Variants in NRXN1 observed in about 807,000 individuals in gnomAD.
The protein encoded by NRXN1 is neurexin-1.
NRXN1 carries 39 observed loss-of-function variants against 150.9 expected under a neutral mutation model. That is an observed-to-expected ratio of 0.26 (90% confidence interval 0.20 to 0.34). The LOEUF (loss-of-function observed/expected upper bound fraction) is 0.34. Among genes scored for constraint, NRXN1 ranks in the 10% least tolerant of loss-of-function variants. The probability of loss-of-function intolerance (pLI) is 1.00; values close to 1 mark genes in which losing one functional copy is unlikely to be tolerated. For synonymous variants in NRXN1, 924 were observed against 757.0 expected (o/e 1.22, Z -3.62); for missense variants, 1,815 against 1,949.9 (o/e 0.93, Z 1.30).
At chr2:50,306,094 A>G (rs961306441) in intron 17 of NRXN1, among the ~76,000 whole-genome samples, 2 of 152,174 alleles carry the variant, frequency 1.3e-5, no homozygotes, top group Admixed American at 6.5e-5. Context: ...AAACATAAAG[A>G]AGCCTTTAGA....
chr2:50,922,603 AG>A, intron 4 of NRXN1, 54 bp downstream of exon 4: 1 of 1,576,650 alleles, frequency 6.3e-7, no homozygotes, highest in Admixed American at 1.7e-5. Context: ...GTTTGAAAGC[AG>A]CTACAGAACA....
chr2:50,768,571 C>G (rs974301340), intron 5 of NRXN1, among the ~76,000 whole-genome samples: 1 of 151,508 alleles, frequency 6.6e-6, no homozygotes, highest in Non-Finnish European at 1.5e-5. Flanking sequence ...CCTCCCAAAG[C>G]GCTGGGATTA....
chr2:50,138,636 A>G (rs1436216367), intron 18 of NRXN1, among the ~76,000 whole-genome samples: 2 of 152,202 alleles, frequency 1.3e-5, no homozygotes, highest in Non-Finnish European at 2.9e-5. Flanking sequence ...CCCTTCTCAC[A>G]TCTATTACTT....
At chr2:50,692,532 G>A (rs770230659) in intron 5 of NRXN1, among the ~76,000 whole-genome samples, 1 of 152,032 alleles carries the variant, frequency 6.6e-6, no homozygotes, top group East Asian at 1.9e-4. Flanking sequence ...TCTAATCAGA[G>A]TGTGAAAGCC....
intron 15 of NRXN1, among the ~76,000 whole-genome samples, chr2:50,485,169 A>T (rs1008347955): frequency 2.0e-5 from 3 of 152,230 alleles, no homozygotes; most frequent in African/African-American, 4.8e-5. Flanking sequence ...TATGTGTAAA[A>T]TAAATACTAA....
chr2:50,452,298 C>T (rs188620205), intron 17 of NRXN1, among the ~76,000 whole-genome samples: 53 of 152,286 alleles, frequency 3.5e-4, no homozygotes, highest in Admixed American at 2.0e-3. Flanking sequence ...GAGCTGTAGG[C>T]TGCATCCTAG....
chr2:50,994,149 G>A (rs1418891741), intron 2 of NRXN1, among the ~76,000 whole-genome samples: 1 of 151,916 alleles, frequency 6.6e-6, no homozygotes, highest in African/African-American at 2.4e-5. Context: ...CTGAGCCTTA[G>A]AGAAGTTAAA....
rs760530144 is a variant in NRXN1 at position 50,334,209 on chromosome 2, A to ATATATATATATATATGTATG, written c.3365-97240_3365-97239insCATACATATATATATATATA. 1.7e-3 allele frequency among the ~76,000 whole-genome samples: 209 copies of ATATATATATATATATGTATG among 121,448 alleles called. 9 individuals are homozygous for ATATATATATATATATGTATG. Among genetic ancestry groups the ATATATATATATATATGTATG allele is most frequent in the African/African-American group, 8.8e-3 (202 of 22,860 alleles). 79.7% of individuals were successfully genotyped at this position (121,448 alleles called of 152,430 possible). A position where few individuals can be genotyped will look rare whatever the true frequency, so the allele number is the denominator to read the frequency against. On this transcript the variant is annotated intron_variant, in intron 17 of 22. Transcript: ENST00000401669. Reference sequence around the variant, plus strand: ...CAGGACCAAATATATATATATATATATATGTATGTAGATATTGTTTAACGG... The same window carrying ATATATATATATATATGTATG: ...CAGGACCAAATATATATATATATATATATATATATATATATGTATGTATGTATGTAGATATTGTTTAACGG...
chr2:50,998,961 T>C (rs1448354662), intron 2 of NRXN1, among the ~76,000 whole-genome samples: 2 of 152,052 alleles, frequency 1.3e-5, no homozygotes, highest in African/African-American at 2.4e-5. Context: ...CAAAAATATG[T>C]TTGAACTGCC....
At chr2:50,741,682 C>A (rs1699446230) in intron 5 of NRXN1, among the ~76,000 whole-genome samples, 1 of 152,122 alleles carries the variant, frequency 6.6e-6, no homozygotes, top group African/African-American at 2.4e-5. Flanking sequence ...TATGAGGTTT[C>A]ATGATACTTC....
At chr2:50,661,875 A>C in intron 5 of NRXN1, among the ~76,000 whole-genome samples, 1 of 152,126 alleles carries the variant, frequency 6.6e-6, no homozygotes, top group East Asian at 1.9e-4. Context: ...CTGTTGTTAT[A>C]TTCATGAAGT....
intron 8 of NRXN1, among the ~76,000 whole-genome samples, chr2:50,572,332 T>C (rs1398688828): frequency 6.6e-6 from 1 of 152,202 alleles, no homozygotes; most frequent in Non-Finnish European, 1.5e-5. Flanking sequence ...TCCTCTCCAA[T>C]GCGCTCTGGA....
chr2:50,192,620 G>A (rs1306456857), intron 18 of NRXN1, among the ~76,000 whole-genome samples: 3 of 151,462 alleles, frequency 2.0e-5, no homozygotes, highest in African/African-American at 4.9e-5. Flanking sequence ...TGGGGGGGGC[G>A]GTGGGGGACA....
chr2:50,297,086 T>G (rs1267943557), intron 17 of NRXN1, among the ~76,000 whole-genome samples: 1 of 152,014 alleles, frequency 6.6e-6, no homozygotes, highest in African/African-American at 2.4e-5. Flanking sequence ...GAGATGGGTT[T>G]CACCATAATG....
rs998477984 is a variant in NRXN1, at chr2:49,918,613, A to T, written c.*3331T>A. The T allele has an allele frequency of 3.9e-5, 6 of 152,156 alleles. No individual in the cohort carries two copies. Among genetic ancestry groups the T allele is most frequent in the Non-Finnish European group, 8.8e-5 (6 of 67,984 alleles). The allele number at this position is 152,156 out of a possible 1,614,324, so 9.4% of individuals were successfully genotyped here. A position where few individuals can be genotyped will look rare whatever the true frequency, so the allele number is the denominator to read the frequency against. On this transcript the variant is annotated 3_prime_UTR_variant, in exon 23 of 23. Transcript: ENST00000401669. ...TAGTATTTTAATATTGTTTGCAACT[A>T]ATACTGTATGAGTTTATGGTTTCTG...
chr2:50,727,117 A>AT (rs1697461317), intron 5 of NRXN1, among the ~76,000 whole-genome samples: 1 of 152,094 alleles, frequency 6.6e-6, no homozygotes, highest in African/African-American at 2.4e-5. Flanking sequence ...CTTAAAAAAA[A>AT]TCTATGAAGC....
At chr2:51,002,843 T>C (rs1700244762) in intron 2 of NRXN1, among the ~76,000 whole-genome samples, 1 of 152,092 alleles carries the variant, frequency 6.6e-6, no homozygotes, top group Non-Finnish European at 1.5e-5. Flanking sequence ...TCTCTGTTCA[T>C]CTCTAATAAG....
At chr2:50,262,703 A>G (rs545356583) in intron 17 of NRXN1, among the ~76,000 whole-genome samples, 1 of 152,142 alleles carries the variant, frequency 6.6e-6, no homozygotes, top group South Asian at 2.1e-4. Flanking sequence ...TTGTGAAAAT[A>G]TAAGGAAAAG....
intron 21 of NRXN1, among the ~76,000 whole-genome samples, chr2:49,991,889 T>A (rs544470871): frequency 6.6e-6 from 1 of 152,162 alleles, no homozygotes; most frequent in African/African-American, 2.4e-5. Context: ...AATGAAGGAA[T>A]AGGCAAATAG....
Sources: gnomAD v4.1 joint callset for allele counts (sites outside exome capture counted in the v4.1 genomes callset) on GRCh38, gnomAD v4.1.1 for gene constraint, MANE v1.5 for transcripts, NCBI Gene and HGNC (gene_info 2026-07-23, HGNC 2026-07-21) for gene names.